DET1: variants seen among roughly 807,000 people sequenced by gnomAD.
DET1 encodes the protein DET1 partner of COP1 E3 ubiquitin ligase.
DET1 carries 22 observed loss-of-function variants against 43.7 expected under a neutral mutation model. The observed-to-expected ratio is 0.50, with a 90% CI of 0.36 to 0.72. The LOEUF is 0.72. Among genes scored for constraint, DET1 ranks in the 30% least tolerant of loss-of-function variants. The pLI, the probability that DET1 is intolerant of heterozygous loss-of-function variation, is 0.00. For missense variants in DET1, 713 were observed against 713.3 expected, an observed-to-expected ratio of 1.00 and a Z score of 0.00; for synonymous variants, 315 against 266.2, an observed-to-expected ratio of 1.18 and a Z score of -1.79.
chr15:88,540,072 T>C (rs539856043), intron 1 of DET1, among the ~76,000 whole-genome samples: 1 of 152,000 alleles, frequency 6.6e-6, no homozygotes, highest in African/African-American at 2.4e-5. Context: ...TGCCCCCTAC[T>C]CTGCACATTT....
At chr15:88,538,957 C>A (rs2057022748) in intron 1 of DET1, among the ~76,000 whole-genome samples, 1 of 152,130 alleles carries the variant, frequency 6.6e-6, no homozygotes, top group South Asian at 2.1e-4. Context: ...TAGGACGCTA[C>A]TGGGTTGAGC....
At chr15:88,522,142 T>A (rs1450619095) in intron 3 of DET1, among the ~76,000 whole-genome samples, 1 of 152,146 alleles carries the variant, frequency 6.6e-6, no homozygotes, top group African/African-American at 2.4e-5. Flanking sequence ...TCGGAAATAA[T>A]TTGGAAATAA....
chr15:88,542,562 G>C (rs552990384), intron 1 of DET1, among the ~76,000 whole-genome samples: 2 of 152,158 alleles, frequency 1.3e-5, no homozygotes, highest in Non-Finnish European at 2.9e-5. Context: ...TTAAGAGAAA[G>C]CTCCAGAAAC....
intron 1 of DET1, among the ~76,000 whole-genome samples, chr15:88,544,567 G>A (rs759336707): frequency 6.6e-6 from 1 of 152,172 alleles, no homozygotes; most frequent in East Asian, 1.9e-4. Flanking sequence ...GTTCCAGCCA[G>A]GAGAACTAGT....
chr15:88,524,738 T>C (rs1598329483), intron 3 of DET1, among the ~76,000 whole-genome samples: 2 of 152,000 alleles, frequency 1.3e-5, no homozygotes, highest in Non-Finnish European at 2.9e-5. Context: ...GTTAAACAGA[T>C]GCTTGAAGGC....
At chr15:88,543,756 C>T (rs528746217) in intron 1 of DET1, among the ~76,000 whole-genome samples, 44 of 152,300 alleles carry the variant, frequency 2.9e-4, no homozygotes, top group African/African-American at 6.7e-4. Flanking sequence ...ACAGCAGGTA[C>T]GCCTTTGCTA....
chr15:88,516,705 T>C lies in DET1; in HGVS notation c.1463+77A>G, dbSNP rs2056353528. 5 of 1,242,566 alleles carry C rather than the reference T, an allele frequency of 4.0e-6. No individual in the cohort carries two copies. The South Asian group carries it at 7.5e-5, about 19-fold the overall frequency. 77.0% of individuals were successfully genotyped at this position (1,242,566 alleles called of 1,614,324 possible). A position where few individuals can be genotyped will look rare whatever the true frequency, so the allele number is the denominator to read the frequency against. On this transcript the variant is annotated intron_variant, in intron 4 of 4. Transcript: ENST00000268148. This position sits in a 1 kb window ranked among gnomAD's most constrained non-coding sequence, Gnocchi z 4.4. ...ACGAGTCACAGTCACAATCAAATGATGTCCAGAAAAAGAGAAAAAGAAAGC... is the reference window on the plus strand; with the variant it reads ...ACGAGTCACAGTCACAATCAAATGACGTCCAGAAAAAGAGAAAAAGAAAGC...
intron 1 of DET1, chr15:88,536,445 T>C (rs2056952997): frequency 1.5e-6 from 1 of 670,406 alleles, no homozygotes; most frequent in African/African-American, 1.8e-5. Context: ...CAACAATTGG[T>C]ATGAGCCTTG....
At chr15:88,530,488 A>G (rs1429407265) in intron 2 of DET1, 135 bp downstream of exon 2, 1 of 1,416,200 alleles carries the variant, frequency 7.1e-7, no homozygotes, top group East Asian at 2.4e-5. Context: ...AGCTGATTTT[A>G]AGTTTGGGCC....
Position 88,516,384 on chromosome 15 carries a change from C to G in DET1, c.1463+398G>C, listed in dbSNP as rs2056345774. On this transcript the variant is annotated intron_variant, in intron 4 of 4. Transcript: ENST00000268148. The surrounding 1 kb of genome is among the most constrained non-coding windows in gnomAD (Gnocchi z 4.4). Reference sequence around the variant, plus strand: ...TTCTTCTAAATCTGTCAGCAGGTCCCCAAATTGTCTCTGCTATTTTTTCTA... The same window carrying G: ...TTCTTCTAAATCTGTCAGCAGGTCCGCAAATTGTCTCTGCTATTTTTTCTA... 6.6e-6 allele frequency among the ~76,000 whole-genome samples: 1 copy of G among 152,156 alleles called. No homozygotes were observed. Among genetic ancestry groups the G allele is most frequent in the Non-Finnish European group, 1.5e-5 (1 of 68,036 alleles).
chr15:88,524,267 C>T (rs1263605685), intron 3 of DET1, among the ~76,000 whole-genome samples: 2 of 151,040 alleles, frequency 1.3e-5, no homozygotes, highest in Admixed American at 6.6e-5. Context: ...AAGTGAGGAG[C>T]CCCTCCGCCT....
chr15:88,517,224 G>GTTT lies in DET1; in HGVS notation c.1272-254_1272-252dup, dbSNP rs397854316. Among the ~76,000 whole-genome samples, 75 of 129,616 alleles carry GTTT rather than the reference G, an allele frequency of 5.8e-4. 1 individual carries two copies. The highest frequency in any genetic ancestry group is 9.1e-4 in the African/African-American group (31 of 34,140). 85.0% of individuals were successfully genotyped at this position (129,616 alleles called of 152,430 possible). On this transcript the variant is annotated intron_variant, in intron 3 of 4. Coordinates refer to ENST00000268148, the MANE Select transcript of DET1 (RefSeq NM_001144074.3). ...CTTTAGAAATGTGTTTGGGTTTTGG[G>GTTT]TTTTTTTTTTTTTTTTTTTGAGACA...
intron 1 of DET1, among the ~76,000 whole-genome samples, chr15:88,544,619 T>G (rs7175801): frequency 0.43 from 64,926 of 151,976 alleles, 15,090 homozygotes; most frequent in East Asian, 0.65. Flanking sequence ...ACTCCTGCTT[T>G]GAAAAGACTT....
chr15:88,535,575 G>C (rs981604787), intron 1 of DET1, among the ~76,000 whole-genome samples: 1 of 152,080 alleles, frequency 6.6e-6, no homozygotes, highest in Non-Finnish European at 1.5e-5. Flanking sequence ...GGGCATCATG[G>C]CAAAACCCCA....
chr15:88,505,166 G>A (rs906955638), intron 7 of DET1: 3 of 152,112 alleles, frequency 2.0e-5, no homozygotes, highest in Non-Finnish European at 4.4e-5. Context: ...CTAACAAATC[G>A]ATTCACATCT....
chr15:88,514,804 C>T (rs376005759), intron 4 of DET1, among the ~76,000 whole-genome samples: 2 of 152,232 alleles, frequency 1.3e-5, no homozygotes, highest in South Asian at 2.1e-4. Context: ...CTGTTAATAT[C>T]CTTATATTTC....
At chr15:88,514,563 G>A (rs1344519032) in intron 4 of DET1, among the ~76,000 whole-genome samples, 1 of 152,160 alleles carries the variant, frequency 6.6e-6, no homozygotes, top group East Asian at 1.9e-4. Context: ...TGGGGGAATA[G>A]TTAAATAAAT....
chr15:88,525,351 G>T (rs2056632677), intron 3 of DET1, among the ~76,000 whole-genome samples: 2 of 152,134 alleles, frequency 1.3e-5, no homozygotes, highest in Admixed American at 6.5e-5. Flanking sequence ...TCTTTTGGTG[G>T]TACAGTAAAA....
downstream of DET1, chr15:88,512,433 A>C: frequency 5.1e-6 from 5 of 985,750 alleles, no homozygotes; most frequent in Non-Finnish European, 6.0e-6. Flanking sequence ...AGTACTTGAA[A>C]GCATTGAGTA....
Sources: gnomAD v4.1 joint callset for allele counts (sites outside exome capture counted in the v4.1 genomes callset) on GRCh38, gnomAD v4.1.1 for gene constraint, Gnocchi (gnomAD v3.1) non-coding constraint, MANE v1.5 for transcripts, NCBI Gene and HGNC (gene_info 2026-07-23, HGNC 2026-07-21) for gene names.